The following VPS13B variants were observed in gnomAD, a reference collection of about 807,000 sequenced individuals.
VPS13B encodes the protein intermembrane lipid transfer protein VPS13B.
VPS13B carries 285 observed loss-of-function variants against 426.4 expected under a neutral mutation model. That is an observed-to-expected ratio of 0.67 (90% confidence interval 0.61 to 0.74). The LOEUF is 0.74. Among genes scored for constraint, VPS13B ranks in the 30% least tolerant of loss-of-function variants. The pLI, the probability that VPS13B is intolerant of heterozygous loss-of-function variation, is 0.00. For synonymous variants in VPS13B, 1,676 were observed against 1,676.4 expected (o/e 1.00, Z 0.01); for missense variants, 4,537 against 4,782.6 (o/e 0.95, Z 1.51).
chr8:99,457,063 A>G (rs1198821279), intron 23 of VPS13B, among the ~76,000 whole-genome samples: 3 of 144,954 alleles, frequency 2.1e-5, no homozygotes, highest in African/African-American at 7.7e-5. Flanking sequence ...ACAGAATCTC[A>G]CTCTGTCGCC....
At chr8:99,056,860 C>T (rs184109851) in intron 3 of VPS13B, among the ~76,000 whole-genome samples, 9 of 152,242 alleles carry the variant, frequency 5.9e-5, no homozygotes, top group South Asian at 2.1e-4. Flanking sequence ...CTACACAGTA[C>T]GCTTCTCTAA....
At chr8:99,395,778 T>C (rs1481057579) in intron 21 of VPS13B, among the ~76,000 whole-genome samples, 1 of 152,150 alleles carries the variant, frequency 6.6e-6, no homozygotes, top group Non-Finnish European at 1.5e-5. Context: ...AGAAATAGGC[T>C]GAGAAATGAC....
At chr8:99,763,163 A>AAAAAAAAAACAAAAG (rs1563905521) in intron 39 of VPS13B, among the ~76,000 whole-genome samples, 1 of 146,880 alleles carries the variant, frequency 6.8e-6, no homozygotes, top group African/African-American at 2.5e-5. Context: ...AAAAAAAAAA[A>AAAAAAAAAACAAAAG]AAGAAGAGAA....
At chr8:99,525,767 G>C (rs924367521) in intron 30 of VPS13B, among the ~76,000 whole-genome samples, 6 of 152,150 alleles carry the variant, frequency 3.9e-5, no homozygotes, top group Non-Finnish European at 8.8e-5. Flanking sequence ...TTTAATAAGT[G>C]ACATGGAGAC....
intron 8 of VPS13B, among the ~76,000 whole-genome samples, chr8:99,123,373 T>C (rs1848044673): frequency 6.6e-6 from 1 of 151,826 alleles, no homozygotes; most frequent in African/African-American, 2.4e-5. Flanking sequence ...AGTGGGGCAG[T>C]AGTGTCATGA....
At chr8:99,273,931 A>T (rs755799621) in intron 17 of VPS13B, among the ~76,000 whole-genome samples, 8 of 152,142 alleles carry the variant, frequency 5.3e-5, no homozygotes, top group Non-Finnish European at 1.2e-4. Context: ...TGTTTTTTTT[A>T]AAAAGTATTT....
intron 51 of VPS13B, among the ~76,000 whole-genome samples, chr8:99,831,517 A>G (rs1815059240): frequency 6.6e-6 from 1 of 152,194 alleles, no homozygotes; most frequent in Non-Finnish European, 1.5e-5. Flanking sequence ...GCTCCTAAAA[A>G]TTATGTTAGA....
chr8:99,184,999 A>C (rs1813143941), intron 16 of VPS13B, among the ~76,000 whole-genome samples: 1 of 152,104 alleles, frequency 6.6e-6, no homozygotes, highest in African/African-American at 2.4e-5. Flanking sequence ...TGAAAAAAAG[A>C]AAAAAAATGG....
chr8:99,684,369 G>A (rs1309971937), intron 35 of VPS13B, among the ~76,000 whole-genome samples: 1 of 152,138 alleles, frequency 6.6e-6, no homozygotes, highest in Non-Finnish European at 1.5e-5. Context: ...GGGGAATGAA[G>A]AAAAGAAAGA....
chr8:99,081,716 GT>G (rs1335712134), intron 3 of VPS13B, among the ~76,000 whole-genome samples: 1 of 151,646 alleles, frequency 6.6e-6, no homozygotes, highest in Non-Finnish European at 1.5e-5. Context: ...GCAGTGTTTG[GT>G]TTTTTGTCCT....
chr8:99,574,382 T>C (rs1825657615), intron 31 of VPS13B, among the ~76,000 whole-genome samples: 1 of 152,176 alleles, frequency 6.6e-6, no homozygotes, highest in Non-Finnish European at 1.5e-5. Context: ...CTTGTGCCAG[T>C]TTTCAAAGGG....
chr8:99,349,350 A>AAAAAAAAAAAG (rs1184275418), intron 19 of VPS13B, among the ~76,000 whole-genome samples: 9 of 147,570 alleles, frequency 6.1e-5, no homozygotes, highest in African/African-American at 2.1e-4. Flanking sequence ...AAAAAAAAAA[A>AAAAAAAAAAAG]AAAAAGAAAA....
intron 3 of VPS13B, among the ~76,000 whole-genome samples, chr8:99,059,136 T>C (rs1262696560): frequency 1.3e-5 from 2 of 152,184 alleles, no homozygotes; most frequent in Non-Finnish European, 2.9e-5. Context: ...TTCTCTTCTT[T>C]TGGAGTTTAT....
chr8:99,430,575 C>T (rs1405065435), intron 21 of VPS13B, among the ~76,000 whole-genome samples: 2 of 151,946 alleles, frequency 1.3e-5, no homozygotes, highest in African/African-American at 4.8e-5. Flanking sequence ...TGGTTGAAAT[C>T]CTCTAATTTC....
intron 17 of VPS13B, among the ~76,000 whole-genome samples, chr8:99,213,875 G>C (rs1417180345): frequency 6.7e-6 from 1 of 150,164 alleles, no homozygotes; most frequent in Non-Finnish European, 1.5e-5. Context: ...TAGCCCGTCA[G>C]AGGCTACCGT....
Position 99,641,955 on chromosome 8 carries a change from G to A in VPS13B, c.5365G>A (p.Ala1789Thr). 1 of 1,614,098 alleles carries A rather than the reference G, an allele frequency of 6.2e-7. No homozygotes were observed. The highest frequency in any genetic ancestry group is 8.5e-7 in the Non-Finnish European group (1 of 1,180,004). ...AGTGCAAATAGAGCAGCACAGTGGT[G>A]CCAGTCAGCATCGCATTGCCCGTCC... ...RIVQIEQHSG[A>T]SQHRIARPSR... Residue 1789 changes from alanine (A) to threonine (T), a missense_variant, in exon 34 of 62, where the codon GCC becomes ACC. Coordinates refer to ENST00000357162, the MANE Select transcript of VPS13B (RefSeq NM_152564.5).
chr8:99,332,397 T>C (rs1392528338), intron 19 of VPS13B, among the ~76,000 whole-genome samples: 1 of 151,744 alleles, frequency 6.6e-6, no homozygotes, highest in African/African-American at 2.4e-5. Context: ...AATCTTTTCA[T>C]ATATGGCCAC....
Position 99,143,077 on chromosome 8 carries a change from T to C in VPS13B, c.1755T>C (p.Arg585=), listed in dbSNP as rs762989966. The part of the protein sequence containing the change: ...KSLVIGPLDF[R]LDSSAVHRIL... ...TTGTTATAGGTCCTCTTGATTTTCG[T>C]TTGGATAGCAGTGCGGTGCATAGGA... Residue 585 remains arginine, a synonymous_variant, in exon 13 of 62, where the codon CGT becomes CGC. Transcript: ENST00000357162. 4.1e-5 allele frequency: 66 copies of C among 1,614,052 alleles called. No homozygotes were observed. The highest frequency in any genetic ancestry group is 5.5e-5 in the Non-Finnish European group (65 of 1,179,954).
chr8:99,864,110 C>G (rs1381059326), intron 58 of VPS13B, among the ~76,000 whole-genome samples: 1 of 152,166 alleles, frequency 6.6e-6, no homozygotes, highest in Non-Finnish European at 1.5e-5. Flanking sequence ...GCAAGAAGAA[C>G]AAAGAGCGGA....
Sources: gnomAD v4.1 joint callset for allele counts (sites outside exome capture counted in the v4.1 genomes callset) on GRCh38, gnomAD v4.1.1 for gene constraint, MANE v1.5 for transcripts, NCBI Gene and HGNC (gene_info 2026-07-23, HGNC 2026-07-21) for gene names.